The following KCNH1 variants were observed in gnomAD, a reference collection of about 807,000 sequenced individuals.
KCNH1 encodes voltage-gated delayed rectifier potassium channel KCNH1.
Under a neutral mutation model 69.2 loss-of-function variants are expected in KCNH1, and 27 were observed. That is an observed-to-expected ratio of 0.39 (90% confidence interval 0.29 to 0.54). The LOEUF (loss-of-function observed/expected upper bound fraction) is 0.54. Ranked by LOEUF, KCNH1 falls within the 20% of genes least tolerant of loss-of-function variation. The pLI is 0.68. For missense variants in KCNH1, 798 were observed against 1,261.6 expected, an observed-to-expected ratio of 0.63 and a Z score of 5.57; for synonymous variants, 456 against 487.7, an observed-to-expected ratio of 0.93 and a Z score of 0.86.
intron 6 of KCNH1, among the ~76,000 whole-genome samples, chr1:210,941,763 C>A (rs960701035): frequency 2.0e-5 from 3 of 152,134 alleles, no homozygotes; most frequent in Non-Finnish European, 4.4e-5. Flanking sequence ...AAACAGAGGA[C>A]TCATAGGGAA....
chr1:210,744,756 G>T (rs1018729092), intron 10 of KCNH1, among the ~76,000 whole-genome samples: 2 of 152,064 alleles, frequency 1.3e-5, no homozygotes, highest in Non-Finnish European at 2.9e-5. Flanking sequence ...TTTTAATGAG[G>T]AACCACACAT....
At chr1:210,792,718 C>T (rs1315188870) in intron 9 of KCNH1, among the ~76,000 whole-genome samples, 1 of 150,134 alleles carries the variant, frequency 6.7e-6, no homozygotes, top group African/African-American at 2.4e-5. Context: ...AACAGGAAAA[C>T]ACAAGATGAT....
intron 7 of KCNH1, among the ~76,000 whole-genome samples, chr1:210,807,191 A>G (rs1434401814): frequency 6.6e-6 from 1 of 151,512 alleles, no homozygotes. Flanking sequence ...AACCAACACT[A>G]CATTCAAAAT....
At chr1:210,806,356 T>C (rs1227169790) in intron 7 of KCNH1, among the ~76,000 whole-genome samples, 1 of 152,074 alleles carries the variant, frequency 6.6e-6, no homozygotes, top group Non-Finnish European at 1.5e-5. Context: ...GTCATTTATA[T>C]ATCTTCTTTG....
intron 7 of KCNH1, among the ~76,000 whole-genome samples, chr1:210,872,610 C>T (rs1013445253): frequency 6.6e-6 from 1 of 152,022 alleles, no homozygotes; most frequent in Non-Finnish European, 1.5e-5. Context: ...ACAATCATGG[C>T]AAAAGGTAAA....
chr1:210,839,714 T>A (rs1181211715), intron 7 of KCNH1, among the ~76,000 whole-genome samples: 1 of 152,212 alleles, frequency 6.6e-6, no homozygotes, highest in African/African-American at 2.4e-5. Context: ...AGAAGAACTT[T>A]ATATCAAATG....
At chr1:210,984,290 G>A (rs570125827) in intron 6 of KCNH1, among the ~76,000 whole-genome samples, 34 of 152,202 alleles carry the variant, frequency 2.2e-4, no homozygotes, top group African/African-American at 8.2e-4. Flanking sequence ...GATTGCCCTG[G>A]CCAGAACTTC....
intron 10 of KCNH1, among the ~76,000 whole-genome samples, chr1:210,748,055 CAG>C (rs899480274): frequency 8.5e-5 from 13 of 152,328 alleles, no homozygotes; most frequent in Non-Finnish European, 1.9e-4. Flanking sequence ...TGGCTCTGCT[CAG>C]GGGCAGAGCT....
At chr1:210,756,859 G>A (rs1464714144) in intron 10 of KCNH1, among the ~76,000 whole-genome samples, 3 of 152,162 alleles carry the variant, frequency 2.0e-5, no homozygotes, top group African/African-American at 7.2e-5. Flanking sequence ...CCTTCTCTTA[G>A]GTAAAACAAG....
intron 10 of KCNH1, among the ~76,000 whole-genome samples, chr1:210,701,503 C>CCAA (rs1681776855): frequency 1.3e-5 from 2 of 152,188 alleles, no homozygotes; most frequent in Non-Finnish European, 2.9e-5. Context: ...TTCTAAGATA[C>CCAA]CAACTTGGGA....
At chr1:210,965,545 G>A (rs1461621624) in intron 6 of KCNH1, among the ~76,000 whole-genome samples, 2 of 152,076 alleles carry the variant, frequency 1.3e-5, no homozygotes, top group African/African-American at 2.4e-5. Flanking sequence ...AAAGCTGGAG[G>A]CATCATACTA....
intron 7 of KCNH1, among the ~76,000 whole-genome samples, chr1:210,813,619 GAGTA>G (rs781034429): frequency 6.6e-6 from 1 of 152,186 alleles, no homozygotes; most frequent in African/African-American, 2.4e-5. Flanking sequence ...GATATTGATG[GAGTA>G]AGTGTGAGGA....
chr1:211,059,729 C>A (rs903612518), intron 5 of KCNH1, among the ~76,000 whole-genome samples: 3 of 150,092 alleles, frequency 2.0e-5, no homozygotes, highest in Non-Finnish European at 3.0e-5. Context: ...GGCGACAGAG[C>A]GAGACTCCAT....
At chr1:211,054,084 A>G (rs1571610642) in intron 5 of KCNH1, among the ~76,000 whole-genome samples, 1 of 152,012 alleles carries the variant, frequency 6.6e-6, no homozygotes, top group African/African-American at 2.4e-5. Context: ...AGCCTGGCCA[A>G]CATGGTGAAA....
At chr1:210,786,989 C>T (rs563303436) in intron 9 of KCNH1, among the ~76,000 whole-genome samples, 20 of 152,284 alleles carry the variant, frequency 1.3e-4, no homozygotes, top group Admixed American at 6.5e-4. Flanking sequence ...CCATTCTCCA[C>T]ACAGCTGCCA....
At chr1:210,941,520 A>G (rs1687874804) in intron 6 of KCNH1, among the ~76,000 whole-genome samples, 1 of 152,218 alleles carries the variant, frequency 6.6e-6, no homozygotes, top group South Asian at 2.1e-4. Context: ...CCTGGGTTGT[A>G]TCTGTGAGAA....
chr1:211,083,810 C>T (rs1373538054), intron 4 of KCNH1, among the ~76,000 whole-genome samples: 2 of 152,184 alleles, frequency 1.3e-5, no homozygotes, highest in African/African-American at 4.8e-5. Flanking sequence ...CATTCAGCAA[C>T]TTCCAGTAGA....
Position 210,804,037 on chromosome 1 carries a change from C to T in KCNH1, c.1592G>A (p.Gly531Glu). 6.2e-7 allele frequency: 1 copy of T among 1,614,198 alleles called. No individual in the cohort carries two copies. The highest frequency in any genetic ancestry group is 8.5e-7 in the Non-Finnish European group (1 of 1,180,030). ...ATAATCCATTACTCGCTCACTCAAT[C>T]CTTTTGGCACCTGGTAGAGCTTCAG... ...DFLKLYQVPK[G>E]LSERVMDYIV... The change falls in exon 8 of 11, where the codon GGA (glycine) becomes GAA (glutamate). Residue 531 changes from glycine (G) to glutamate (E), a missense_variant. Gly to Glu is a moderately conservative substitution (Grantham distance 98). Coordinates refer to ENST00000271751, the MANE Select transcript of KCNH1 (RefSeq NM_172362.3).
At chr1:210,832,345 T>G (rs750894857) in intron 7 of KCNH1, among the ~76,000 whole-genome samples, 4 of 152,176 alleles carry the variant, frequency 2.6e-5, no homozygotes, top group Admixed American at 6.6e-5. Context: ...AAGGAATATT[T>G]GCAGCTTATG....
Sources: allele counts gnomAD v4.1 joint callset (sites outside exome capture counted in the v4.1 genomes callset), GRCh38; gene constraint gnomAD v4.1.1; transcripts MANE v1.5; gene names NCBI Gene and HGNC (gene_info 2026-07-23, HGNC 2026-07-21).